Variants in PSMD14 observed in about 807,000 individuals in gnomAD.
The protein encoded by PSMD14 is proteasome 26S subunit, non-ATPase 14.
PSMD14 carries 7 observed loss-of-function variants against 41.2 expected under a neutral mutation model. The observed-to-expected ratio is 0.17, with a 90% confidence interval of 0.10 to 0.32. The LOEUF is 0.32. Among genes scored for constraint, PSMD14 ranks in the 10% least tolerant of loss-of-function variants. PSMD14 has a pLI of 1.00. For missense variants in PSMD14, 139 were observed against 375.6 expected (o/e 0.37, Z 5.21); for synonymous variants, 114 against 122.3 (o/e 0.93, Z 0.45).
chr2:161,340,774 A>G (rs1682941920), intron 3 of PSMD14: 1 of 1,612,652 alleles, frequency 6.2e-7, no homozygotes, highest in South Asian at 1.1e-5. Flanking sequence ...TTAAGATGCC[A>G]AAAGGAAAAG....
At chr2:161,391,996 C>G (rs1212118501) in intron 9 of PSMD14, among the ~76,000 whole-genome samples, 1 of 152,168 alleles carries the variant, frequency 6.6e-6, no homozygotes, top group Non-Finnish European at 1.5e-5. Flanking sequence ...GTACTAGATT[C>G]TGATCCCATT....
chr2:161,363,367 A>G lies in PSMD14; in HGVS notation c.49-4111A>G, dbSNP rs182207234. On this transcript the variant is annotated intron_variant, in intron 3 of 11. Transcript: ENST00000409682. ...TTTTACTGTACATTTTGGGACATCT[A>G]GAAATTTATATTGTATATCACTGAA... is the stretch of plus-strand genomic sequence containing the variant. Among the ~76,000 whole-genome samples the G allele has an allele frequency of 1.1e-3, 174 of 152,342 alleles. 1 individual carries two copies. Among genetic ancestry groups the G allele is most frequent in the South Asian group, 3.1e-3 (15 of 4,834 alleles).
intron 10 of PSMD14, among the ~76,000 whole-genome samples, chr2:161,405,610 G>A (rs1683938406): frequency 6.6e-6 from 1 of 152,034 alleles, no homozygotes. Flanking sequence ...TAGTTTTAAT[G>A]TCTTCATATA....
Position 161,391,181 on chromosome 2 carries a change from A to G in PSMD14, c.645+3A>G. ...GGAAAAATGAACTGGAACAGAAGGT[A>G]AGTTTAAATTTTTATCTTATAGGAG... On this transcript the variant is annotated splice_donor_region_variant and intron_variant, in intron 9 of 11. Coordinates refer to ENST00000409682, the MANE Select transcript of PSMD14 (RefSeq NM_005805.6). 6.6e-7 allele frequency: 1 copy of G among 1,514,848 alleles called. No individual in the cohort carries two copies. The allele number at this position is 1,514,848 out of a possible 1,614,324, so 93.8% of individuals were successfully genotyped here.
intron 10 of PSMD14, among the ~76,000 whole-genome samples, chr2:161,395,473 A>G (rs1469440986): frequency 3.3e-5 from 5 of 152,138 alleles, no homozygotes; most frequent in Non-Finnish European, 7.4e-5. Context: ...TAGTTTGCCA[A>G]CTCCTGTTGT....
chr2:161,325,302 C>T (rs375886173), intron 3 of PSMD14, among the ~76,000 whole-genome samples: 199 of 152,056 alleles, frequency 1.3e-3, no homozygotes, highest in African/African-American at 4.7e-3. Context: ...GAATTATTTC[C>T]GGTGGCTAGA....
intron 7 of PSMD14, among the ~76,000 whole-genome samples, chr2:161,378,586 G>A (rs1248516577): frequency 6.6e-6 from 1 of 151,824 alleles, no homozygotes; most frequent in Non-Finnish European, 1.5e-5. Flanking sequence ...ATTCAGTGAC[G>A]AATGAGACAC....
At chr2:161,371,874 T>C (rs574460100) in intron 7 of PSMD14, among the ~76,000 whole-genome samples, 201 of 152,276 alleles carry the variant, frequency 1.3e-3, no homozygotes, top group African/African-American at 4.7e-3. Flanking sequence ...GAAAACAGAT[T>C]AACTTGCAAA....
intron 1 of PSMD14, among the ~76,000 whole-genome samples, chr2:161,312,204 C>G (rs1009466827): frequency 6.7e-6 from 1 of 149,872 alleles, no homozygotes; most frequent in Non-Finnish European, 1.5e-5. Flanking sequence ...AGTGCGGTGG[C>G]GCGATCTCGG....
At chr2:161,407,196 G>C (rs1683958930) in intron 10 of PSMD14, among the ~76,000 whole-genome samples, 1 of 151,992 alleles carries the variant, frequency 6.6e-6, no homozygotes. Flanking sequence ...AAGTAATTTA[G>C]AAAAACATAC....
At chr2:161,386,617 C>T (rs1056827497) in intron 8 of PSMD14, among the ~76,000 whole-genome samples, 6 of 151,534 alleles carry the variant, frequency 4.0e-5, no homozygotes, top group African/African-American at 1.5e-4. Context: ...ATGAAATAAG[C>T]TACCAGTGGT....
intron 3 of PSMD14, among the ~76,000 whole-genome samples, chr2:161,324,020 A>C (rs1471517927): frequency 6.6e-6 from 1 of 152,218 alleles, no homozygotes; most frequent in Admixed American, 6.5e-5. Flanking sequence ...TAGCCAAAGC[A>C]TATTCTGTAC....
At chr2:161,391,312 A>G in intron 9 of PSMD14, 134 bp downstream of exon 9, 1 of 931,454 alleles carries the variant, frequency 1.1e-6, no homozygotes, top group Non-Finnish European at 1.5e-6. Flanking sequence ...TTATTGATGA[A>G]TTGCAGCACA....
chr2:161,363,757 C>T (rs1574130910), intron 3 of PSMD14, among the ~76,000 whole-genome samples: 1 of 152,150 alleles, frequency 6.6e-6, no homozygotes, highest in Admixed American at 6.5e-5. Flanking sequence ...GGGATGTGGC[C>T]TGCTTCTTCA....
At position 161,308,554 on chromosome 2, in the gene PSMD14, G is replaced by C. The variant is rs1179953224; in HGVS notation, c.-188G>C. The C allele has an allele frequency of 6.6e-6, 1 of 152,340 alleles. No homozygotes were observed. The highest frequency in any genetic ancestry group is 1.5e-5 in the Non-Finnish European group (1 of 68,148). 9.4% of individuals were successfully genotyped at this position (152,340 alleles called of 1,614,324 possible). A position where few individuals can be genotyped will look rare whatever the true frequency, so the allele number is the denominator to read the frequency against. ...TTGCCTCTGTCTTCGCGTCACCACA[G>C]AGGCAAGACAAGGGTCCATATCGCG... On this transcript the variant is annotated 5_prime_UTR_variant, in exon 1 of 12. Transcript: ENST00000409682.
chr2:161,320,401 A>C (rs1287757112), intron 3 of PSMD14, among the ~76,000 whole-genome samples: 2 of 152,172 alleles, frequency 1.3e-5, no homozygotes, highest in African/African-American at 4.8e-5. Context: ...GCTTTATATC[A>C]AGTGAAAAAC....
chr2:161,402,267 T>A (rs2105271317), intron 10 of PSMD14, among the ~76,000 whole-genome samples: 1 of 152,234 alleles, frequency 6.6e-6, no homozygotes, highest in Middle Eastern at 3.4e-3. Flanking sequence ...AGAAAACTAT[T>A]TAAAAAAAGA....
chr2:161,360,043 A>G (rs1387551263), intron 3 of PSMD14, among the ~76,000 whole-genome samples: 2 of 152,210 alleles, frequency 1.3e-5, no homozygotes, highest in East Asian at 3.8e-4. Flanking sequence ...TGAAAAAAAT[A>G]AACAAAAAAC....
intron 1 of PSMD14, among the ~76,000 whole-genome samples, chr2:161,310,704 G>T (rs566975195): frequency 6.6e-6 from 1 of 152,194 alleles, no homozygotes; most frequent in Non-Finnish European, 1.5e-5. Context: ...CAAAGTAGAT[G>T]TTATCCCCAC....
Sources: gnomAD v4.1 joint callset for allele counts (sites outside exome capture counted in the v4.1 genomes callset) on GRCh38, gnomAD v4.1.1 for gene constraint, MANE v1.5 for transcripts, NCBI Gene and HGNC (gene_info 2026-07-23, HGNC 2026-07-21) for gene names.